The following LRP1B variants were observed in gnomAD, a reference collection of about 807,000 sequenced individuals.
LRP1B encodes the protein low-density lipoprotein receptor-related protein 1B.
Under a neutral mutation model 556.6 loss-of-function variants are expected in LRP1B, and 217 were observed. The ratio of observed to expected loss-of-function variants is 0.39; its 90% CI spans 0.35 to 0.44. LRP1B has a LOEUF of 0.44. Ranked by LOEUF, LRP1B falls within the 20% of genes least tolerant of loss-of-function variation. The pLI, the probability that LRP1B is intolerant of heterozygous loss-of-function variation, is 1.00. For missense variants in LRP1B, 5,053 were observed against 5,620.8 expected, an observed-to-expected ratio of 0.90 and a Z score of 3.23; for synonymous variants, 2,047 against 1,865.8, an observed-to-expected ratio of 1.10 and a Z score of -2.50.
At chr2:141,619,593 A>G (rs576125817) in intron 2 of LRP1B, among the ~76,000 whole-genome samples, 5 of 152,344 alleles carry the variant, frequency 3.3e-5, no homozygotes, top group South Asian at 4.1e-4. Context: ...TTAAAAATAT[A>G]TAATAATCAA....
At chr2:140,900,781 T>C (rs1694080957) in intron 23 of LRP1B, among the ~76,000 whole-genome samples, 1 of 150,492 alleles carries the variant, frequency 6.6e-6, no homozygotes. Flanking sequence ...TGATCACATA[T>C]ATTCAAGAAC....
chr2:140,759,035 C>CT (rs1431270185), intron 35 of LRP1B, among the ~76,000 whole-genome samples: 1 of 152,188 alleles, frequency 6.6e-6, no homozygotes. Flanking sequence ...TATAATCCCT[C>CT]TTGTGAATGT....
At chr2:141,835,521 T>G (rs1697249906) in intron 1 of LRP1B, among the ~76,000 whole-genome samples, 1 of 151,684 alleles carries the variant, frequency 6.6e-6, no homozygotes, top group Non-Finnish European at 1.5e-5. Flanking sequence ...AGGTGGCATT[T>G]AATATATAAT....
chr2:140,845,336 T>C (rs1692241978), intron 29 of LRP1B, among the ~76,000 whole-genome samples: 1 of 152,174 alleles, frequency 6.6e-6, no homozygotes, highest in Non-Finnish European at 1.5e-5. Context: ...CTATTTGTCC[T>C]AACTGCAAAA....
chr2:140,514,621 A>T (rs2104931315), intron 51 of LRP1B, 32 bp downstream of exon 51: 2 of 1,585,440 alleles, frequency 1.3e-6, no homozygotes, highest in Non-Finnish European at 1.7e-6. Context: ...AATGCTTAAA[A>T]ACTGATTGAG....
chr2:141,867,639 G>A (rs1027647240), intron 1 of LRP1B, among the ~76,000 whole-genome samples: 7 of 152,046 alleles, frequency 4.6e-5, no homozygotes, highest in African/African-American at 1.7e-4. Context: ...TAAGGTTTAG[G>A]ATGCATTGCC....
intron 1 of LRP1B, among the ~76,000 whole-genome samples, chr2:141,890,409 A>ATTGTGTATATATATATATG (rs1411272364): frequency 2.2e-5 from 2 of 89,432 alleles, no homozygotes; most frequent in Non-Finnish European, 4.7e-5. Flanking sequence ...ATATATATAT[A>ATTGTGTATATATATATATG]CTGAATTGAA....
intron 51 of LRP1B, among the ~76,000 whole-genome samples, chr2:140,513,131 G>A (rs1385767): frequency 0.99 from 150,001 of 152,188 alleles, 73,959 homozygotes; most frequent in Middle Eastern, 1. Flanking sequence ...TGGTTATGTT[G>A]GATGATCATA....
intron 2 of LRP1B, among the ~76,000 whole-genome samples, chr2:141,679,155 C>A (rs541924656): frequency 6.6e-6 from 1 of 152,202 alleles, no homozygotes; most frequent in East Asian, 1.9e-4. Flanking sequence ...GTATAACAGG[C>A]ATTAGAGACT....
At chr2:141,430,853 G>T (rs1462025524) in intron 3 of LRP1B, among the ~76,000 whole-genome samples, 2 of 152,018 alleles carry the variant, frequency 1.3e-5, no homozygotes, top group Non-Finnish European at 2.9e-5. Flanking sequence ...AAATTGGCTG[G>T]GTGTGACGGC....
rs777952402 is a variant in LRP1B, at chr2:142,130,722, T to C, written c.8A>G (p.Glu3Gly). Residue 3 changes from glutamate (E) to glycine (G), a missense_variant, in exon 1 of 91, where the codon GAG becomes GGG. By Grantham distance (98) the Glu-to-Gly change is moderately conservative (BLOSUM62 -2). Coordinates refer to ENST00000389484, the MANE Select transcript of LRP1B (RefSeq NM_018557.3). The part of the protein sequence containing the change: MS[E>G]FLLALLTLSG... ...GAGAGTGAGTAAGGCGAGGAGAAAC[T>C]CGGACATTGTGGTCGCCCGGTAAGG... 1.2e-6 allele frequency: 2 copies of C among 1,611,990 alleles called. No homozygotes were observed. Among genetic ancestry groups the C allele is most frequent in the East Asian group, 2.2e-5 (1 of 44,714 alleles).
chr2:140,443,470 G>C (rs1158926507), intron 65 of LRP1B, among the ~76,000 whole-genome samples: 1 of 152,126 alleles, frequency 6.6e-6, no homozygotes. Flanking sequence ...ATAAAGAACT[G>C]GTACTGACTT....
chr2:141,967,283 A>G (rs1574541833), intron 1 of LRP1B, among the ~76,000 whole-genome samples: 1 of 151,874 alleles, frequency 6.6e-6, no homozygotes, highest in East Asian at 1.9e-4. Context: ...CTATTGGTCA[A>G]CTCCATAAAT....
At chr2:140,576,399 G>A (rs551100239) in intron 43 of LRP1B, among the ~76,000 whole-genome samples, 1 of 152,168 alleles carries the variant, frequency 6.6e-6, no homozygotes, top group Non-Finnish European at 1.5e-5. Context: ...TGTTGGTAAA[G>A]CAAGCCAACT....
chr2:141,300,699 C>G (rs918458445), intron 3 of LRP1B, among the ~76,000 whole-genome samples: 1 of 152,144 alleles, frequency 6.6e-6, no homozygotes, highest in Non-Finnish European at 1.5e-5. Context: ...CTTGCTCTGG[C>G]TGTGTAGGAC....
chr2:140,952,096 T>G (rs1301445087), intron 18 of LRP1B, among the ~76,000 whole-genome samples, 156 bp from the exon 19 acceptor site: 2 of 152,192 alleles, frequency 1.3e-5, no homozygotes, highest in South Asian at 2.1e-4. Context: ...TATAACTTCT[T>G]GAGGACATAG....
At chr2:141,286,141 A>G (rs1360504412) in intron 3 of LRP1B, among the ~76,000 whole-genome samples, 1 of 151,314 alleles carries the variant, frequency 6.6e-6, no homozygotes, top group East Asian at 2.0e-4. Context: ...AGAAAATTCT[A>G]TTCTTGGATT....
intron 2 of LRP1B, among the ~76,000 whole-genome samples, chr2:141,734,568 A>C (rs1693395393): frequency 6.6e-6 from 1 of 152,120 alleles, no homozygotes. Context: ...CCTGGCAATT[A>C]TTTTTAATAA....
chr2:141,150,149 T>C (rs887550226), intron 7 of LRP1B, among the ~76,000 whole-genome samples: 2 of 152,180 alleles, frequency 1.3e-5, no homozygotes, highest in Non-Finnish European at 2.9e-5. Context: ...AAGGATCTAC[T>C]GAACTGTTTT....
Sources: allele counts gnomAD v4.1 joint callset (sites outside exome capture counted in the v4.1 genomes callset), GRCh38; gene constraint gnomAD v4.1.1; transcripts MANE v1.5; gene names NCBI Gene and HGNC (gene_info 2026-07-23, HGNC 2026-07-21).